The following BMPR2 variants were observed in gnomAD, a reference collection of about 807,000 sequenced individuals.
BMPR2 encodes bone morphogenetic protein receptor type-2.
BMPR2 carries 29 observed loss-of-function variants against 100.8 expected under a neutral mutation model. The ratio of observed to expected loss-of-function variants is 0.29; its 90% CI spans 0.21 to 0.39. The LOEUF (loss-of-function observed/expected upper bound fraction) is 0.39, where lower values mean the gene tolerates loss of function less well. Among genes scored for constraint, BMPR2 ranks in the 10% least tolerant of loss-of-function variants. The pLI is 1.00. For missense variants in BMPR2, 1,011 were observed against 1,274.5 expected (o/e 0.79, Z 3.15); for synonymous variants, 382 against 442.3 (o/e 0.86, Z 1.71).
intron 1 of BMPR2, among the ~76,000 whole-genome samples, chr2:202,411,397 G>T (rs577753710): frequency 6.6e-6 from 1 of 152,304 alleles, no homozygotes; most frequent in East Asian, 1.9e-4. Flanking sequence ...GAAAAAAGCT[G>T]AAGAAGGCAG....
At chr2:202,412,615 G>A (rs956771118) in intron 1 of BMPR2, among the ~76,000 whole-genome samples, 2 of 152,044 alleles carry the variant, frequency 1.3e-5, no homozygotes, top group Non-Finnish European at 2.9e-5. Flanking sequence ...CACCGTGCCC[G>A]GCCGTTTCTG....
At chr2:202,457,791 G>A (rs1692149866) in intron 1 of BMPR2, among the ~76,000 whole-genome samples, 2 of 152,086 alleles carry the variant, frequency 1.3e-5, no homozygotes, top group Non-Finnish European at 2.9e-5. Context: ...GTGCAATGGT[G>A]TGATCTTGGC....
intron 3 of BMPR2, among the ~76,000 whole-genome samples, chr2:202,498,789 C>T (rs886361199): frequency 6.6e-6 from 1 of 152,152 alleles, no homozygotes; most frequent in African/African-American, 2.4e-5. Context: ...AAATGGCCAC[C>T]TGAGGGCAGT....
intron 1 of BMPR2, among the ~76,000 whole-genome samples, chr2:202,451,830 A>G (rs1200447582): frequency 1.3e-5 from 2 of 152,016 alleles, no homozygotes; most frequent in East Asian, 1.9e-4. Context: ...GCTCACCACA[A>G]CCACCATCTC....
intron 1 of BMPR2, among the ~76,000 whole-genome samples, chr2:202,384,027 C>T (rs1332505662): frequency 6.6e-6 from 1 of 151,838 alleles, no homozygotes; most frequent in Admixed American, 6.6e-5. Context: ...CAAAAATTAC[C>T]CGGGCGTGGT....
intron 3 of BMPR2, among the ~76,000 whole-genome samples, chr2:202,498,492 T>C (rs968285897): frequency 6.7e-6 from 1 of 148,778 alleles, no homozygotes; most frequent in Non-Finnish European, 1.5e-5. Context: ...GACAGTTGCA[T>C]GTTCTTGGGC....
At chr2:202,417,957 A>G (rs2105921737) in intron 1 of BMPR2, among the ~76,000 whole-genome samples, 1 of 152,014 alleles carries the variant, frequency 6.6e-6, no homozygotes, top group South Asian at 2.1e-4. Flanking sequence ...TGACCTCCTG[A>G]TCTGCCCACC....
chr2:202,441,831 G>A (rs1574451273), intron 1 of BMPR2, among the ~76,000 whole-genome samples: 1 of 149,684 alleles, frequency 6.7e-6, no homozygotes, highest in Non-Finnish European at 1.5e-5. Context: ...TCAGGAGTTC[G>A]AGACCAGTCT....
At chr2:202,558,491 G>A (rs1444389317) in intron 12 of BMPR2, among the ~76,000 whole-genome samples, 1 of 152,162 alleles carries the variant, frequency 6.6e-6, no homozygotes, top group Non-Finnish European at 1.5e-5. Context: ...CTTGAAGGAA[G>A]GATACAGGTC....
chr2:202,404,335 G>A (rs936441706), intron 1 of BMPR2, among the ~76,000 whole-genome samples: 2 of 151,766 alleles, frequency 1.3e-5, no homozygotes, highest in African/African-American at 4.8e-5. Context: ...GGGATTACAG[G>A]CATGCACCAC....
intron 1 of BMPR2, among the ~76,000 whole-genome samples, chr2:202,459,696 A>G (rs1015251810): frequency 2.6e-5 from 4 of 152,216 alleles, no homozygotes; most frequent in Admixed American, 1.3e-4. Flanking sequence ...GGAACAGGCA[A>G]AGTTTTCATG....
intron 7 of BMPR2, among the ~76,000 whole-genome samples, chr2:202,525,792 A>C (rs1687898490): frequency 7.0e-6 from 1 of 142,850 alleles, no homozygotes; most frequent in African/African-American, 2.6e-5. Flanking sequence ...ATGTAGTTAT[A>C]TTCCCTGTTG....
intron 3 of BMPR2, among the ~76,000 whole-genome samples, chr2:202,507,891 G>A (rs1363312303): frequency 2.0e-5 from 3 of 151,268 alleles, no homozygotes; most frequent in African/African-American, 7.3e-5. Context: ...GTAGAGACAG[G>A]GTTTTACCAT....
chr2:202,418,174 C>T (rs751405855), intron 1 of BMPR2, among the ~76,000 whole-genome samples: 7 of 152,190 alleles, frequency 4.6e-5, no homozygotes, highest in Non-Finnish European at 8.8e-5. Context: ...CCTGCAATAT[C>T]ACTGAGGTAT....
At chr2:202,421,007 T>C (rs886661997) in intron 1 of BMPR2, among the ~76,000 whole-genome samples, 2 of 150,106 alleles carry the variant, frequency 1.3e-5, no homozygotes, top group Non-Finnish European at 1.5e-5. Flanking sequence ...CCCAGCACTT[T>C]GGGAGGCCGA....
At chr2:202,459,437 G>C (rs2105955211) in intron 1 of BMPR2, among the ~76,000 whole-genome samples, 1 of 152,218 alleles carries the variant, frequency 6.6e-6, no homozygotes, top group South Asian at 2.1e-4. Context: ...TCATCACCCA[G>C]GTATTAAGCT....
intron 1 of BMPR2, among the ~76,000 whole-genome samples, chr2:202,458,824 T>C (rs1029250979): frequency 5.9e-5 from 9 of 152,204 alleles, no homozygotes; most frequent in Admixed American, 4.6e-4. Context: ...TGTGTATAAA[T>C]TGGTTATCAT....
In BMPR2 at chr2:202,540,348, A is replaced by C. The variant is rs143475607; in HGVS notation, c.1277-1963A>C. Among the ~76,000 whole-genome samples, 55 of 152,258 alleles carry C rather than the reference A, an allele frequency of 3.6e-4. 1 individual carries two copies. The highest frequency in any genetic ancestry group is 8.5e-4 in the Admixed American group (13 of 15,274). ...TTGCAATTCACAGATGGTATAGGAT[A>C]AGGTTTTATCACATGGGGTTTCAAG... is the stretch of plus-strand genomic sequence containing the variant. On this transcript the variant is annotated intron_variant, in intron 9 of 12. Coordinates refer to ENST00000374580, the MANE Select transcript of BMPR2 (RefSeq NM_001204.7).
chr2:202,377,637 C>A, intron 1 of BMPR2, 87 bp downstream of exon 1: 1 of 1,473,144 alleles, frequency 6.8e-7, no homozygotes, highest in Non-Finnish European at 9.4e-7. Context: ...CTGTGCTTGC[C>A]CTTCGCCATG....
Sources: gnomAD v4.1 joint callset for allele counts (sites outside exome capture counted in the v4.1 genomes callset) on GRCh38, gnomAD v4.1.1 for gene constraint, MANE v1.5 for transcripts, NCBI Gene and HGNC (gene_info 2026-07-23, HGNC 2026-07-21) for gene names.